Variants in SUZ12 observed in about 807,000 individuals in gnomAD.
SUZ12 encodes the protein polycomb protein SUZ12.
Under a neutral mutation model 87.3 loss-of-function variants are expected in SUZ12, and 17 were observed. That is an observed-to-expected ratio of 0.19 (90% CI 0.13 to 0.29). The LOEUF (loss-of-function observed/expected upper bound fraction) is 0.29. SUZ12 is among the 10% of genes least tolerant of loss of function. The pLI, the probability that SUZ12 is intolerant of heterozygous loss-of-function variation, is 1.00. For synonymous variants in SUZ12, 253 were observed against 312.4 expected (o/e 0.81, Z 2.01); for missense variants, 526 against 912.2 (o/e 0.58, Z 5.45).
At chr17:31,978,240 G>A (rs1215512715) in intron 8 of SUZ12, among the ~76,000 whole-genome samples, 1 of 151,878 alleles carries the variant, frequency 6.6e-6, no homozygotes, top group Non-Finnish European at 1.5e-5. Flanking sequence ...ACGGACTCTC[G>A]CTGTGTCACC....
intron 13 of SUZ12, 95 bp from the exon 14 acceptor site, chr17:31,995,469 G>T: frequency 1.1e-6 from 1 of 912,982 alleles, no homozygotes; most frequent in South Asian, 1.6e-5. Flanking sequence ...ATAAAAGGGT[G>T]ATGTTGCAGA....
At chr17:31,966,807 A>T (rs748550162) in intron 5 of SUZ12, 3 of 152,236 alleles carry the variant, frequency 2.0e-5, no homozygotes, top group Non-Finnish European at 4.4e-5. Flanking sequence ...AATATTTTAG[A>T]TATTATTCAA....
chr17:31,994,534 T>C (rs1241153468), intron 12 of SUZ12, 30 bp from the exon 13 acceptor site: 1 of 1,550,908 alleles, frequency 6.4e-7, no homozygotes, highest in Non-Finnish European at 8.7e-7. Flanking sequence ...GGATACTTAA[T>C]ATATTTTTTT....
In SUZ12 at chr17:31,956,788, A is replaced by T. The variant is rs867498597; in HGVS notation, c.455+9103A>T. On this transcript the variant is annotated intron_variant, in intron 4 of 15. Transcript: ENST00000322652. ...TATATATGTATATATGTATATATATATATTTTTTGGTTTTTTGAGACAGTC... is the reference window on the plus strand; with the variant it reads ...TATATATGTATATATGTATATATATTTATTTTTTGGTTTTTTGAGACAGTC... Among the ~76,000 whole-genome samples the T allele has an allele frequency of 2.3e-4, 35 of 151,742 alleles. No individual in the cohort carries two copies. The South Asian group carries it at 5.0e-3, about 22-fold the overall frequency.
chr17:31,965,293 A>G (rs527441559), intron 4 of SUZ12, among the ~76,000 whole-genome samples: 5 of 152,276 alleles, frequency 3.3e-5, no homozygotes, highest in African/African-American at 1.2e-4. Context: ...GTGTCTGTAC[A>G]TGTCACACTA....
intron 5 of SUZ12, 27 bp downstream of exon 5, chr17:31,966,223 G>T: frequency 6.4e-7 from 1 of 1,568,696 alleles, no homozygotes; most frequent in East Asian, 2.3e-5. Flanking sequence ...AAATAAAGTG[G>T]CATTTTAATA....
At position 31,957,037 on chromosome 17, in the gene SUZ12, A is replaced by G. The variant is rs1309817150; in HGVS notation, c.456-9110A>G. ...GTGATCCACCCACCTCGGCCTCCCA[A>G]AGTGCTGGATTACAGGCCTGTGCCA... On this transcript the variant is annotated intron_variant, in intron 4 of 15. Coordinates refer to ENST00000322652, the MANE Select transcript of SUZ12 (RefSeq NM_015355.4). Among the ~76,000 whole-genome samples the G allele has an allele frequency of 2.6e-5, 4 of 152,134 alleles. No homozygotes were observed. In the East Asian group the frequency reaches 5.8e-4, roughly 22 times the overall value.
At chr17:31,956,584 T>A (rs151190617) in intron 4 of SUZ12, among the ~76,000 whole-genome samples, 133 of 152,244 alleles carry the variant, frequency 8.7e-4, no homozygotes, top group African/African-American at 3.1e-3. Flanking sequence ...GTAATCTGAG[T>A]TCCAGGAGCA....
chr17:31,980,132 T>C (rs1909010652), intron 8 of SUZ12, among the ~76,000 whole-genome samples: 1 of 151,852 alleles, frequency 6.6e-6, no homozygotes, highest in Non-Finnish European at 1.5e-5. Flanking sequence ...GAGACCAGTT[T>C]GGGCAACATA....
At chr17:31,969,308 G>A (rs1908277625) in intron 5 of SUZ12, among the ~76,000 whole-genome samples, 1 of 151,992 alleles carries the variant, frequency 6.6e-6, no homozygotes, top group African/African-American at 2.4e-5. Context: ...ACCATGCCCC[G>A]CTAATTTTTT....
chr17:31,975,270 GAAAACCTCAA>G (rs1908677806), intron 6 of SUZ12, among the ~76,000 whole-genome samples: 1 of 152,116 alleles, frequency 6.6e-6, no homozygotes, highest in African/African-American at 2.4e-5. Flanking sequence ...TTATGTTGGA[GAAAACCTCAA>G]TTGCTTTAAT....
At chr17:31,992,051 G>A (rs1284926459) in intron 10 of SUZ12, among the ~76,000 whole-genome samples, 1 of 151,914 alleles carries the variant, frequency 6.6e-6, no homozygotes, top group African/African-American at 2.4e-5. Context: ...TAGCAATTTT[G>A]GAGGCCGAGA....
chr17:31,949,527 T>A (rs150547825), intron 4 of SUZ12, among the ~76,000 whole-genome samples: 1 of 151,802 alleles, frequency 6.6e-6, no homozygotes, highest in Non-Finnish European at 1.5e-5. Context: ...TTAATCTATT[T>A]CTTTTTTTTT....
At chr17:31,939,507 G>A (rs1906140416) in intron 1 of SUZ12, among the ~76,000 whole-genome samples, 1 of 150,702 alleles carries the variant, frequency 6.6e-6, no homozygotes, top group Admixed American at 6.6e-5. Flanking sequence ...TTAGGATTCT[G>A]TTTTGGCTGA....
intron 5 of SUZ12, among the ~76,000 whole-genome samples, chr17:31,971,322 C>G (rs943762610): frequency 6.6e-6 from 1 of 150,596 alleles, no homozygotes; most frequent in African/African-American, 2.4e-5. Context: ...ATAATGGTAA[C>G]TGATTTAATT....
At chr17:31,977,273 C>CT (rs762777458) in intron 8 of SUZ12, among the ~76,000 whole-genome samples, 2,469 of 117,334 alleles carry the variant, frequency 0.021, 47 homozygotes, top group Non-Finnish European at 0.029. Context: ...GAGATCCCAT[C>CT]TTTTTTTTTT....
At chr17:31,946,301 G>C (rs1196569476) in intron 3 of SUZ12, among the ~76,000 whole-genome samples, 1 of 152,066 alleles carries the variant, frequency 6.6e-6, no homozygotes, top group African/African-American at 2.4e-5. Context: ...TGGGAGACAG[G>C]GGTGGATAGA....
At position 31,978,677 on chromosome 17, in the gene SUZ12, G is replaced by A. The variant is rs370912261; in HGVS notation, c.917+2063G>A. On this transcript the variant is annotated intron_variant, in intron 8 of 15. Coordinates refer to ENST00000322652, the MANE Select transcript of SUZ12 (RefSeq NM_015355.4). ...ATTGTTCTATTTTAGGCAGCATGGG[G>A]TATGTTCTATTTTCTTTTTTAATCA... is the stretch of plus-strand genomic sequence containing the variant. Among the ~76,000 whole-genome samples, 5 of 152,140 alleles carry A rather than the reference G, an allele frequency of 3.3e-5. No individual in the cohort carries two copies. In the East Asian group the frequency reaches 7.7e-4, roughly 23 times the overall value.
intron 4 of SUZ12, among the ~76,000 whole-genome samples, chr17:31,965,328 T>C (rs1898161007): frequency 6.6e-6 from 1 of 152,206 alleles, no homozygotes; most frequent in African/African-American, 2.4e-5. Context: ...AGGAGAGTTA[T>C]GAATGTCTCC....
Sources: gnomAD v4.1 joint callset for allele counts (sites outside exome capture counted in the v4.1 genomes callset) on GRCh38, gnomAD v4.1.1 for gene constraint, MANE v1.5 for transcripts, NCBI Gene and HGNC (gene_info 2026-07-23, HGNC 2026-07-21) for gene names.